ROBO1: variants seen among roughly 807,000 people sequenced by gnomAD.
The protein encoded by ROBO1 is roundabout homolog 1.
In ROBO1, 149 loss-of-function variants were observed where a neutral mutation model predicts 195.9. That is an observed-to-expected ratio of 0.76 (90% confidence interval 0.67 to 0.87). The LOEUF is 0.87. Ranked by LOEUF, ROBO1 falls within the 40% of genes least tolerant of loss-of-function variation. The probability of loss-of-function intolerance (pLI) is 0.00; values close to 1 mark genes in which losing one functional copy is unlikely to be tolerated. For synonymous variants in ROBO1, 816 were observed against 733.2 expected (o/e 1.11, Z -1.82); for missense variants, 1,933 against 2,068.3 (o/e 0.93, Z 1.27).
intron 28 of ROBO1, among the ~76,000 whole-genome samples, chr3:78,612,781 T>G (rs2107345157): frequency 6.6e-6 from 1 of 152,340 alleles, no homozygotes; most frequent in African/African-American, 2.4e-5. Flanking sequence ...TTTTTGTGAC[T>G]TAGAGAAAAT....
At chr3:79,421,096 T>C (rs1225160035) in intron 2 of ROBO1, among the ~76,000 whole-genome samples, 1 of 152,088 alleles carries the variant, frequency 6.6e-6, no homozygotes, top group Admixed American at 6.6e-5. Context: ...CTGGAAGCTA[T>C]TGTCCTTAGA....
At chr3:79,063,693 G>T (rs569159448) in intron 3 of ROBO1, among the ~76,000 whole-genome samples, 1 of 151,904 alleles carries the variant, frequency 6.6e-6, no homozygotes, top group Admixed American at 6.6e-5. Context: ...TCAGCATGCC[G>T]CAGCTCCAGA....
chr3:79,192,088 A>G (rs566739952), intron 2 of ROBO1, among the ~76,000 whole-genome samples: 1 of 151,746 alleles, frequency 6.6e-6, no homozygotes, highest in Non-Finnish European at 1.5e-5. Context: ...TTGGTAGTAC[A>G]TTATTTTTAG....
At chr3:79,362,026 G>A (rs1320825484) in intron 2 of ROBO1, among the ~76,000 whole-genome samples, 1 of 152,030 alleles carries the variant, frequency 6.6e-6, no homozygotes, top group Non-Finnish European at 1.5e-5. Flanking sequence ...TGCCGGACAT[G>A]AATCTACATC....
intron 4 of ROBO1, among the ~76,000 whole-genome samples, chr3:78,833,628 G>A (rs1170743246): frequency 6.6e-6 from 1 of 152,036 alleles, no homozygotes; most frequent in African/African-American, 2.4e-5. Context: ...TATTTTCTTA[G>A]GATTGTTGTG....
chr3:79,070,978 A>T (rs1210247676), intron 3 of ROBO1, among the ~76,000 whole-genome samples: 1 of 151,768 alleles, frequency 6.6e-6, no homozygotes, highest in African/African-American at 2.4e-5. Flanking sequence ...ACAGTGTACA[A>T]TGTGATGTTT....
intron 1 of ROBO1, among the ~76,000 whole-genome samples, chr3:79,704,710 G>T (rs185149196): frequency 6.6e-6 from 1 of 152,108 alleles, no homozygotes; most frequent in African/African-American, 2.4e-5. Flanking sequence ...CAAGATCACT[G>T]GGTCACTGTG....
At chr3:78,981,956 C>T (rs1334858797) in intron 3 of ROBO1, among the ~76,000 whole-genome samples, 1 of 152,028 alleles carries the variant, frequency 6.6e-6, no homozygotes, top group African/African-American at 2.4e-5. Flanking sequence ...GATTAACCAC[C>T]CAAGAAGAAA....
At chr3:79,102,027 C>T (rs1301192092) in intron 3 of ROBO1, among the ~76,000 whole-genome samples, 2 of 151,862 alleles carry the variant, frequency 1.3e-5, no homozygotes, top group Non-Finnish European at 2.9e-5. Flanking sequence ...AATTTCCACA[C>T]CATTATTCTT....
chr3:79,244,419 C>T (rs2082583533), intron 2 of ROBO1, among the ~76,000 whole-genome samples: 1 of 152,114 alleles, frequency 6.6e-6, no homozygotes, highest in Non-Finnish European at 1.5e-5. Flanking sequence ...TCTTTAAGCT[C>T]AGTCTTAAAC....
At chr3:78,667,021 CAAT>C (rs1340117423) in intron 14 of ROBO1, among the ~76,000 whole-genome samples, 6 of 151,960 alleles carry the variant, frequency 3.9e-5, no homozygotes, top group Admixed American at 2.6e-4. Flanking sequence ...ATTTTATTTA[CAAT>C]GACGTGATTT....
chr3:78,818,341 A>T (rs960026728), intron 4 of ROBO1, among the ~76,000 whole-genome samples: 2 of 152,104 alleles, frequency 1.3e-5, no homozygotes, highest in African/African-American at 4.8e-5. Context: ...CCAGGTTCCT[A>T]AAGTCCCACG....
chr3:79,071,718 GC>G (rs2079092645), intron 3 of ROBO1, among the ~76,000 whole-genome samples: 1 of 54,210 alleles, frequency 1.8e-5, no homozygotes. Flanking sequence ...ACACACACAT[GC>G]ACATGCACAC....
intron 3 of ROBO1, among the ~76,000 whole-genome samples, chr3:78,994,927 G>T (rs539898262): frequency 6.6e-6 from 1 of 152,226 alleles, no homozygotes; most frequent in African/African-American, 2.4e-5. Flanking sequence ...TTCACATCGT[G>T]TGTTTATACA....
intron 5 of ROBO1, among the ~76,000 whole-genome samples, chr3:78,741,044 T>C (rs2082519543): frequency 6.6e-6 from 1 of 152,202 alleles, no homozygotes; most frequent in Non-Finnish European, 1.5e-5. Context: ...ATTTTTAACA[T>C]ATATTAAGAT....
chr3:79,491,520 T>C (rs574257732), intron 2 of ROBO1, among the ~76,000 whole-genome samples: 1 of 152,152 alleles, frequency 6.6e-6, no homozygotes, highest in African/African-American at 2.4e-5. Flanking sequence ...AGGAACAGAT[T>C]TGTTAAATTC....
chr3:79,022,441 T>G (rs2078121511), intron 3 of ROBO1, among the ~76,000 whole-genome samples: 1 of 152,218 alleles, frequency 6.6e-6, no homozygotes, highest in African/African-American at 2.4e-5. Flanking sequence ...TCCCAGTACA[T>G]TCCTAGAGAT....
intron 4 of ROBO1, among the ~76,000 whole-genome samples, chr3:78,887,703 GGT>G (rs2036647859): frequency 6.6e-6 from 1 of 152,116 alleles, no homozygotes; most frequent in South Asian, 2.1e-4. Context: ...CTAACGAAGG[GGT>G]GTTTTGCTTG....
chr3:79,144,955 G>A (rs970231600), intron 2 of ROBO1, among the ~76,000 whole-genome samples: 1 of 151,954 alleles, frequency 6.6e-6, no homozygotes, highest in South Asian at 2.1e-4. Flanking sequence ...AATGATGTAT[G>A]TTCTACTCTA....
Sources: allele counts gnomAD v4.1 joint callset (sites outside exome capture counted in the v4.1 genomes callset), GRCh38; gene constraint gnomAD v4.1.1; transcripts MANE v1.5; gene names NCBI Gene and HGNC (gene_info 2026-07-23, HGNC 2026-07-21).